SPAG16: variants seen among roughly 807,000 people sequenced by gnomAD.
SPAG16 encodes sperm associated antigen 16.
In SPAG16, 86 loss-of-function variants were observed where a neutral mutation model predicts 80.4. The ratio of observed to expected loss-of-function variants is 1.07; its 90% CI spans 0.90 to 1.28. The LOEUF is 1.28. Ranked by LOEUF, SPAG16 falls within the 50% of genes most tolerant of loss-of-function variation. The pLI is 0.00. For missense variants in SPAG16, 870 were observed against 765.3 expected (o/e 1.14, Z -1.61); for synonymous variants, 294 against 265.9 (o/e 1.11, Z -1.03).
At chr2:214,105,211 C>A (rs1311419330) in intron 13 of SPAG16, among the ~76,000 whole-genome samples, 1 of 152,026 alleles carries the variant, frequency 6.6e-6, no homozygotes, top group Non-Finnish European at 1.5e-5. Context: ...CAAACAGCAC[C>A]CATGTCCACA....
At chr2:213,717,155 CATT>C (rs2066272824) in intron 10 of SPAG16, among the ~76,000 whole-genome samples, 1 of 139,158 alleles carries the variant, frequency 7.2e-6, no homozygotes, top group Non-Finnish European at 1.6e-5. Context: ...AGAAACTTTT[CATT>C]TTTTTTTTTT....
intron 11 of SPAG16, among the ~76,000 whole-genome samples, chr2:213,924,986 G>C (rs1351555574): frequency 1.3e-5 from 2 of 151,272 alleles, no homozygotes; most frequent in African/African-American, 4.9e-5. Context: ...TTCTTATACT[G>C]GTTTGGAAGT....
chr2:214,150,586 A>C (rs2055925897), intron 15 of SPAG16, among the ~76,000 whole-genome samples: 1 of 152,046 alleles, frequency 6.6e-6, no homozygotes, highest in Admixed American at 6.6e-5. Context: ...GATTTTCATA[A>C]ACATTTCACA....
chr2:214,005,622 C>G (rs115484135), intron 12 of SPAG16, among the ~76,000 whole-genome samples: 3,866 of 152,204 alleles, frequency 0.025, 162 homozygotes, highest in African/African-American at 0.089. Context: ...TTATTTAGAT[C>G]TCACGTCTCC....
intron 10 of SPAG16, among the ~76,000 whole-genome samples, chr2:213,812,242 G>A (rs534489334): frequency 6.6e-6 from 1 of 152,274 alleles, no homozygotes; most frequent in South Asian, 2.1e-4. Context: ...CAGGATACTG[G>A]AATAAGTATG....
chr2:214,038,425 A>G (rs1202069064), intron 13 of SPAG16, among the ~76,000 whole-genome samples: 1 of 138,164 alleles, frequency 7.2e-6, no homozygotes. Flanking sequence ...CATATAACAT[A>G]AAATATTATT....
chr2:213,407,973 C>T (rs1309925266), intron 9 of SPAG16, among the ~76,000 whole-genome samples: 1 of 64,314 alleles, frequency 1.6e-5, no homozygotes, highest in Non-Finnish European at 3.2e-5. Context: ...GAGAGAGAGA[C>T]AGGAGAGAGA....
intron 9 of SPAG16, among the ~76,000 whole-genome samples, chr2:213,378,106 A>G (rs1375158541): frequency 1.3e-5 from 2 of 152,096 alleles, no homozygotes; most frequent in Non-Finnish European, 2.9e-5. Flanking sequence ...AGAAAGATGT[A>G]GGCTGGGAGG....
At chr2:214,233,917 C>T (rs568151389) in intron 15 of SPAG16, among the ~76,000 whole-genome samples, 7 of 151,880 alleles carry the variant, frequency 4.6e-5, no homozygotes, top group African/African-American at 1.2e-4. Context: ...GGGGTACATG[C>T]GCAGCATGTA....
chr2:214,406,677 T>C (rs1197889131), intron 15 of SPAG16, among the ~76,000 whole-genome samples: 1 of 152,102 alleles, frequency 6.6e-6, no homozygotes, highest in Non-Finnish European at 1.5e-5. Flanking sequence ...ATTTATAAAA[T>C]TAGATTGAAT....
chr2:213,380,791 A>G (rs1406140225), intron 9 of SPAG16, among the ~76,000 whole-genome samples: 1 of 152,178 alleles, frequency 6.6e-6, no homozygotes, highest in African/African-American at 2.4e-5. Context: ...CTGCTGGGTT[A>G]TATGGCCCCA....
chr2:214,358,411 T>G (rs1010387458), intron 15 of SPAG16, among the ~76,000 whole-genome samples: 3 of 151,952 alleles, frequency 2.0e-5, no homozygotes, highest in Non-Finnish European at 4.4e-5. Flanking sequence ...TTTTCCCTCA[T>G]GCCAAACTAT....
intron 15 of SPAG16, among the ~76,000 whole-genome samples, chr2:214,210,967 G>T (rs1576504069): frequency 6.6e-6 from 1 of 151,996 alleles, no homozygotes; most frequent in East Asian, 1.9e-4. Flanking sequence ...AAAGAAAGAT[G>T]CCATAATATA....
At chr2:214,161,261 A>G (rs1037635933) in intron 15 of SPAG16, among the ~76,000 whole-genome samples, 2 of 152,144 alleles carry the variant, frequency 1.3e-5, no homozygotes, top group Non-Finnish European at 2.9e-5. Context: ...TGCAATGCAT[A>G]TATGTATATA....
intron 11 of SPAG16, among the ~76,000 whole-genome samples, chr2:213,912,681 C>T (rs2077728206): frequency 6.6e-6 from 1 of 152,050 alleles, no homozygotes; most frequent in Admixed American, 6.6e-5. Flanking sequence ...TTAAAAATAG[C>T]CATTGAGTAG....
intron 10 of SPAG16, among the ~76,000 whole-genome samples, chr2:213,747,533 T>G (rs1395126837): frequency 6.6e-6 from 1 of 152,194 alleles, no homozygotes; most frequent in Non-Finnish European, 1.5e-5. Flanking sequence ...GGGTATACCA[T>G]TCTTATCTTT....
At chr2:213,967,157 AGTTATT>A (rs1238057814) in intron 12 of SPAG16, among the ~76,000 whole-genome samples, 9 of 152,334 alleles carry the variant, frequency 5.9e-5, no homozygotes, top group African/African-American at 2.2e-4. Flanking sequence ...TACCTTATAT[AGTTATT>A]GTTATTTACA....
intron 12 of SPAG16, among the ~76,000 whole-genome samples, chr2:214,003,403 A>C (rs1049758594): frequency 6.6e-6 from 1 of 152,182 alleles, no homozygotes; most frequent in Non-Finnish European, 1.5e-5. Flanking sequence ...GTTGATATTA[A>C]TCTTATGTGA....
chr2:214,154,887 T>C (rs1324545582), intron 15 of SPAG16, among the ~76,000 whole-genome samples: 1 of 152,150 alleles, frequency 6.6e-6, no homozygotes, highest in Non-Finnish European at 1.5e-5. Flanking sequence ...CAAAAATGTA[T>C]GTACATATAT....
Sources: allele counts gnomAD v4.1 joint callset (sites outside exome capture counted in the v4.1 genomes callset), GRCh38; gene constraint gnomAD v4.1.1; transcripts MANE v1.5; gene names NCBI Gene and HGNC (gene_info 2026-07-23, HGNC 2026-07-21).